Variants in MTCL3 observed in about 807,000 individuals in gnomAD.
MTCL3 encodes the protein microtubule cross-linking factor 3.
the MTCL3 span, among the ~76,000 whole-genome samples, chr6:127,485,908 T>C: frequency 6.6e-6 from 1 of 152,156 alleles, no homozygotes; most frequent in Non-Finnish European, 1.5e-5. Flanking sequence ...TTTTGAAGGA[T>C]ATGCAAAATT....
At chr6:127,481,814 C>G in the MTCL3 span, among the ~76,000 whole-genome samples, 1 of 152,098 alleles carries the variant, frequency 6.6e-6, no homozygotes, top group African/African-American at 2.4e-5. Flanking sequence ...GGCTGCATTC[C>G]CAGATGGTTA....
At chr6:127,483,789 T>C in the MTCL3 span, among the ~76,000 whole-genome samples, 2 of 152,220 alleles carry the variant, frequency 1.3e-5, no homozygotes, top group African/African-American at 4.8e-5. Flanking sequence ...AAGAAGGGTC[T>C]CTGTATGTAA....
the MTCL3 span, chr6:127,476,352 C>A: frequency 6.2e-7 from 1 of 1,614,208 alleles, no homozygotes; most frequent in Non-Finnish European, 8.5e-7. This position sits in a 1 kb window ranked among gnomAD's most constrained non-coding sequence, Gnocchi z 4.4. Flanking sequence ...ATCTGTACTT[C>A]TGGAGCTCGT....
At chr6:127,516,561 G>T in the MTCL3 span, 2 of 1,598,018 alleles carry the variant, frequency 1.3e-6, no homozygotes, top group Non-Finnish European at 1.7e-6. Context: ...CTGCAGCGGC[G>T]GGAGAAGCTG....
chr6:127,474,985 A>G, the MTCL3 span, among the ~76,000 whole-genome samples: 1 of 152,230 alleles, frequency 6.6e-6, no homozygotes, highest in South Asian at 2.1e-4. Context: ...TTCTAAAATA[A>G]TAACGTGCCT....
At chr6:127,514,603 C>G in the MTCL3 span, among the ~76,000 whole-genome samples, 2 of 152,254 alleles carry the variant, frequency 1.3e-5, no homozygotes, top group Admixed American at 1.3e-4. Context: ...GCACACTTAG[C>G]TCGTTTGCTG....
chr6:127,484,216 C>T, the MTCL3 span, among the ~76,000 whole-genome samples: 2 of 152,224 alleles, frequency 1.3e-5, no homozygotes, highest in South Asian at 4.1e-4. Flanking sequence ...ATTTCTAACC[C>T]ATATCCACTG....
the MTCL3 span, among the ~76,000 whole-genome samples, chr6:127,507,330 A>C: frequency 6.6e-6 from 1 of 151,946 alleles, no homozygotes; most frequent in Non-Finnish European, 1.5e-5. Context: ...CAACAACATG[A>C]GGGTGTGCCA....
chr6:127,483,958 T>A, the MTCL3 span, among the ~76,000 whole-genome samples: 1 of 152,194 alleles, frequency 6.6e-6, no homozygotes. Context: ...ATAAATGCTA[T>A]GCTTTAGGTT....
chr6:127,487,619 T>A, the MTCL3 span, among the ~76,000 whole-genome samples: 3 of 152,142 alleles, frequency 2.0e-5, no homozygotes, highest in Non-Finnish European at 4.4e-5. Flanking sequence ...GCAGAACAGG[T>A]GAAGTGCCCA....
At chr6:127,480,490 T>C in the MTCL3 span, among the ~76,000 whole-genome samples, 1 of 152,194 alleles carries the variant, frequency 6.6e-6, no homozygotes, top group South Asian at 2.1e-4. Flanking sequence ...CAAAGCTAAA[T>C]GAATAATAGA....
chr6:127,487,845 C>T, the MTCL3 span, among the ~76,000 whole-genome samples: 3 of 152,132 alleles, frequency 2.0e-5, no homozygotes, highest in Non-Finnish European at 2.9e-5. Flanking sequence ...TATACCAGAC[C>T]CTGACTACAC....
chr6:127,487,232 A>AG, the MTCL3 span, among the ~76,000 whole-genome samples: 2 of 152,220 alleles, frequency 1.3e-5, no homozygotes, highest in African/African-American at 4.8e-5. Context: ...TTACTTCGAC[A>AG]GAAAAAGGTG....
the MTCL3 span, among the ~76,000 whole-genome samples, chr6:127,502,718 C>T: frequency 6.6e-6 from 1 of 152,196 alleles, no homozygotes; most frequent in Non-Finnish European, 1.5e-5. Context: ...ATGTTAATAA[C>T]AGTAACATCT....
chr6:127,507,561 A>C, the MTCL3 span, among the ~76,000 whole-genome samples: 1 of 152,108 alleles, frequency 6.6e-6, no homozygotes, highest in Non-Finnish European at 1.5e-5. Flanking sequence ...AATCCAATAA[A>C]ATTTATAATG....
At chr6:127,478,878 A>T in the MTCL3 span, among the ~76,000 whole-genome samples, 2 of 151,926 alleles carry the variant, frequency 1.3e-5, no homozygotes, top group Non-Finnish European at 2.9e-5. Context: ...TTAGCTGGGC[A>T]TGGTGGCATG....
chr6:127,502,705 G>A, the MTCL3 span, among the ~76,000 whole-genome samples: 73 of 152,234 alleles, frequency 4.8e-4, 1 homozygote, highest in South Asian at 6.6e-3. Flanking sequence ...TTACAGCTAC[G>A]TGATGTTAAT....
chr6:127,475,409 G>T, the MTCL3 span: 1 of 1,613,258 alleles, frequency 6.2e-7, no homozygotes, highest in African/African-American at 1.3e-5. This position sits in a 1 kb window ranked among gnomAD's most constrained non-coding sequence, Gnocchi z 7.3. Flanking sequence ...GCGTTGATGC[G>T]GTAGAGCAGC....
chr6:127,503,387 C>T, the MTCL3 span, among the ~76,000 whole-genome samples: 4 of 152,346 alleles, frequency 2.6e-5, no homozygotes, highest in South Asian at 8.3e-4. Context: ...TACTGAGCCA[C>T]TGCAGCCCTG....
Sources: allele counts gnomAD v4.1 joint callset (sites outside exome capture counted in the v4.1 genomes callset), GRCh38; gene constraint gnomAD v4.1.1; non-coding constraint Gnocchi (gnomAD v3.1); transcripts MANE v1.5; gene names NCBI Gene and HGNC (gene_info 2026-07-23, HGNC 2026-07-21).